The following RASSF4 variants were observed in gnomAD, a reference collection of about 807,000 sequenced individuals.
The protein encoded by RASSF4 is Ras association domain family member 4, also known as ras association domain-containing protein 4.
RASSF4 carries 38 observed loss-of-function variants against 41.1 expected under a neutral mutation model. The observed-to-expected ratio is 0.92, with a 90% CI of 0.71 to 1.21. RASSF4 has a LOEUF of 1.21. RASSF4 is among the 50% of genes most tolerant of loss of function. The pLI, the probability that RASSF4 is intolerant of heterozygous loss-of-function variation, is 0.00. For missense variants in RASSF4, 414 were observed against 419.4 expected, an observed-to-expected ratio of 0.99 and a Z score of 0.11; for synonymous variants, 179 against 163.4, an observed-to-expected ratio of 1.10 and a Z score of -0.73.
intron 1 of RASSF4, among the ~76,000 whole-genome samples, chr10:44,965,065 A>G (rs1387116896): frequency 2.0e-5 from 3 of 152,246 alleles, no homozygotes; most frequent in Non-Finnish European, 2.9e-5. Flanking sequence ...AAGTTTCACT[A>G]AAAATCACAG....
chr10:44,977,497 C>T (rs757466995), intron 3 of RASSF4: 4 of 1,613,130 alleles, frequency 2.5e-6, no homozygotes, highest in Admixed American at 3.3e-5. Flanking sequence ...GCCCAAAAGT[C>T]CAGCTTCTTA....
In RASSF4 at chr10:44,984,125, C is replaced by T. The variant is rs1252266667; in HGVS notation, c.373+12C>T. Reference sequence around the variant, plus strand: ...CACAGACAGCTCGGGTAAGCGGAGCCCGCAAGCTGCCCAGACCCCTGCCTC... The same window carrying T: ...CACAGACAGCTCGGGTAAGCGGAGCTCGCAAGCTGCCCAGACCCCTGCCTC... On this transcript the variant is annotated intron_variant, in intron 5 of 10. Coordinates refer to ENST00000340258, the MANE Select transcript of RASSF4 (RefSeq NM_032023.4). The T allele has an allele frequency of 6.3e-6, 10 of 1,583,044 alleles. No individual in the cohort carries two copies. Among genetic ancestry groups the T allele is most frequent in the African/African-American group, 4.0e-5 (3 of 74,504 alleles).
intron 3 of RASSF4, among the ~76,000 whole-genome samples, chr10:44,975,017 G>GA (rs1462979528): frequency 5.3e-4 from 81 of 152,230 alleles, no homozygotes; most frequent in African/African-American, 1.9e-3. Context: ...GTAAACCCAT[G>GA]GCTCTGGACA....
At chr10:44,974,558 A>C (rs1224259697) in intron 3 of RASSF4, among the ~76,000 whole-genome samples, 1 of 152,160 alleles carries the variant, frequency 6.6e-6, no homozygotes, top group African/African-American at 2.4e-5. Context: ...CCCCAAGCTA[A>C]GGGGCTCTCA....
intron 8 of RASSF4, chr10:44,990,593 G>T (rs1005726753): frequency 4.8e-5 from 8 of 165,712 alleles, no homozygotes; most frequent in South Asian, 3.3e-4. Flanking sequence ...GAGGGGCTCG[G>T]GTTGTCTCTG....
At chr10:44,973,573 C>G (rs918566359) in intron 3 of RASSF4, among the ~76,000 whole-genome samples, 1 of 152,236 alleles carries the variant, frequency 6.6e-6, no homozygotes, top group African/African-American at 2.4e-5. Context: ...CCACGCCCCT[C>G]TCCCAGCCTG....
chr10:44,991,007 T>C lies in RASSF4; in HGVS notation c.745T>C (p.Cys249Arg), dbSNP rs767929453. The C allele has an allele frequency of 1.4e-5, 23 of 1,613,710 alleles. No individual in the cohort carries two copies. Among genetic ancestry groups the C allele is most frequent in the South Asian group, 3.3e-5 (3 of 91,070 alleles). The change falls in exon 9 of 11, where the codon TGT (cysteine) becomes CGT (arginine). Residue 249 changes from cysteine to arginine, a missense_variant. Transcript: ENST00000340258. ...GATTTCCAGAATCCTGCATGGGCCA[T>C]GTGAGAAGATCGCCAGGATCTTCCT... ...PLISRILHGPCEKIARIFLME... is the reference protein window; with the variant it reads ...PLISRILHGPREKIARIFLME...
chr10:44,963,330 C>T (rs529930115), intron 1 of RASSF4, among the ~76,000 whole-genome samples: 4 of 152,270 alleles, frequency 2.6e-5, no homozygotes, highest in African/African-American at 7.2e-5. Flanking sequence ...ACCAGACAGC[C>T]GGCTCTCACC....
At chr10:44,990,825 C>A in intron 8 of RASSF4, 123 bp from the exon 9 acceptor site, 2 of 949,008 alleles carry the variant, frequency 2.1e-6, no homozygotes, top group Non-Finnish European at 3.2e-6. Flanking sequence ...GCGCTGTTAG[C>A]GAGGTCTGTG....
At chr10:44,964,273 G>C (rs1179587370) in intron 1 of RASSF4, among the ~76,000 whole-genome samples, 1 of 152,246 alleles carries the variant, frequency 6.6e-6, no homozygotes, top group Middle Eastern at 3.2e-3. Context: ...CCTCCTCTGG[G>C]GTACAGACAG....
intron 8 of RASSF4, among the ~76,000 whole-genome samples, chr10:44,990,258 T>C (rs1247199269): frequency 6.6e-6 from 1 of 152,260 alleles, no homozygotes; most frequent in Non-Finnish European, 1.5e-5. Context: ...TATCTTCTCT[T>C]TCTACCCATT....
Position 44,977,984 on chromosome 10 carries a change from C to T in RASSF4, c.139-4537C>T, listed in dbSNP as rs149255069. ...AAGCAGCATCTCCTCCGTGGTCTCC[C>T]GAATTGTGGGCAGATGGGCCACGGA... On this transcript the variant is annotated intron_variant, in intron 3 of 10. Coordinates refer to ENST00000340258, the MANE Select transcript of RASSF4 (RefSeq NM_032023.4). 519 of 1,611,888 alleles carry T rather than the reference C, an allele frequency of 3.2e-4. 4 individuals carry two copies. The highest frequency in any genetic ancestry group is 3.2e-3 in the African/African-American group (239 of 74,936).
At chr10:44,989,604 G>A (rs1842037316) in intron 7 of RASSF4, 66 bp from the exon 8 acceptor site, 2 of 1,450,478 alleles carry the variant, frequency 1.4e-6, no homozygotes, top group Non-Finnish European at 1.9e-6. Flanking sequence ...TTACTGTCAG[G>A]GGACCCTCTC....
rs776376417 is a variant in RASSF4 at position 44,993,515 on chromosome 10, A to G, written c.*186A>G. The G allele has an allele frequency of 8.3e-6, 5 of 605,476 alleles. No individual in the cohort carries two copies. Among genetic ancestry groups the G allele is most frequent in the African/African-American group, 3.7e-5 (2 of 54,060 alleles). The allele number at this position is 605,476 out of a possible 1,614,324, so 37.5% of individuals were successfully genotyped here. A position where few individuals can be genotyped will look rare whatever the true frequency, so the allele number is the denominator to read the frequency against. ...GCCAGCTCTTGGCTCCAAGATGAGCACCCACAGGAAGCCGACCCAGGCCTG... is the reference window on the plus strand; with the variant it reads ...GCCAGCTCTTGGCTCCAAGATGAGCGCCCACAGGAAGCCGACCCAGGCCTG... On this transcript the variant is annotated 3_prime_UTR_variant, in exon 11 of 11. Coordinates refer to ENST00000340258, the MANE Select transcript of RASSF4 (RefSeq NM_032023.4).
intron 1 of RASSF4, among the ~76,000 whole-genome samples, chr10:44,960,397 G>A (rs1840664429): frequency 6.6e-6 from 1 of 152,210 alleles, no homozygotes; most frequent in African/African-American, 2.4e-5. Flanking sequence ...GAAAACTGAG[G>A]CTTAAAGAGT....
chr10:44,968,279 G>T (rs1441888626), intron 1 of RASSF4, among the ~76,000 whole-genome samples: 1 of 152,194 alleles, frequency 6.6e-6, no homozygotes, highest in Admixed American at 6.5e-5. Flanking sequence ...TACCCAGAGA[G>T]GGGGGCAGAT....
At chr10:44,983,112 T>C (rs1171361415) in intron 4 of RASSF4, 3 of 382,500 alleles carry the variant, frequency 7.8e-6, no homozygotes, top group African/African-American at 2.1e-5. Context: ...ATCAGAATAA[T>C]GTTTCTGTCA....
chr10:44,966,436 C>A (rs1588788405), intron 1 of RASSF4, among the ~76,000 whole-genome samples: 1 of 152,318 alleles, frequency 6.6e-6, no homozygotes, highest in East Asian at 1.9e-4. Context: ...GGGACTTCGA[C>A]CCCAGCTGAT....
intron 6 of RASSF4, 104 bp from the exon 7 acceptor site, chr10:44,989,170 C>A: frequency 1.4e-6 from 1 of 696,322 alleles, no homozygotes; most frequent in South Asian, 1.7e-5. Flanking sequence ...TGCAGGTGTT[C>A]CCAGATCTCA....
Sources: allele counts gnomAD v4.1 joint callset (sites outside exome capture counted in the v4.1 genomes callset), GRCh38; gene constraint gnomAD v4.1.1; transcripts MANE v1.5; gene names NCBI Gene and HGNC (gene_info 2026-07-23, HGNC 2026-07-21).